The following OLFML1 variants were observed in gnomAD, a reference collection of about 807,000 sequenced individuals.
OLFML1 encodes olfactomedin-like protein 1.
A neutral mutation model predicts 37.3 loss-of-function variants in OLFML1; 33 were observed. The observed-to-expected ratio is 0.88, with a 90% CI of 0.67 to 1.18. The LOEUF (loss-of-function observed/expected upper bound fraction) is 1.18, where lower values mean the gene tolerates loss of function less well. Among genes scored for constraint, OLFML1 ranks in the 50% most tolerant of loss-of-function variants. OLFML1 has a pLI of 0.00. For missense variants in OLFML1, 545 were observed against 483.7 expected, an observed-to-expected ratio of 1.13 and a Z score of -1.19; for synonymous variants, 186 against 181.3, an observed-to-expected ratio of 1.03 and a Z score of -0.21.
At chr11:7,494,307 C>T (rs548310971) in intron 2 of OLFML1, among the ~76,000 whole-genome samples, 1 of 152,266 alleles carries the variant, frequency 6.6e-6, no homozygotes, top group East Asian at 1.9e-4. Context: ...TTCACACTTG[C>T]AAGCTGTAGG....
At position 7,497,497 on chromosome 11, in the gene OLFML1, A is replaced by C. The variant is rs1032573709; in HGVS notation, c.418+9082A>C. 2.6e-5 allele frequency among the ~76,000 whole-genome samples: 4 copies of C among 152,250 alleles called. No individual in the cohort carries two copies. The South Asian group carries it at 6.2e-4, about 24-fold the overall frequency. ...AGGAGGCACTGGAAGGAAGTTGTCTATGTTGCCTGTGTTGGACTCCAGCTG... is the reference window on the plus strand; with the variant it reads ...AGGAGGCACTGGAAGGAAGTTGTCTCTGTTGCCTGTGTTGGACTCCAGCTG... On this transcript the variant is annotated intron_variant, in intron 2 of 2. Coordinates refer to ENST00000329293, the MANE Select transcript of OLFML1 (RefSeq NM_198474.4).
chr11:7,503,955 C>A (rs1848752483), intron 2 of OLFML1, among the ~76,000 whole-genome samples: 1 of 152,104 alleles, frequency 6.6e-6, no homozygotes, highest in Non-Finnish European at 1.5e-5. Context: ...ACAGATAAGA[C>A]AAAGCTTATA....
At chr11:7,486,123 A>T in intron 1 of OLFML1, 119 bp downstream of exon 1, 1 of 974,096 alleles carries the variant, frequency 1.0e-6, no homozygotes, top group Non-Finnish European at 1.5e-6. Flanking sequence ...ACACATTGCC[A>T]AAGTTACACT....
chr11:7,486,688 GC>G (rs1331145932), intron 1 of OLFML1, among the ~76,000 whole-genome samples: 2 of 152,116 alleles, frequency 1.3e-5, no homozygotes, highest in Non-Finnish European at 2.9e-5. Context: ...CCTAGCCTTT[GC>G]CACACCCTGG....
intron 2 of OLFML1, chr11:7,504,757 C>A (rs776418462): frequency 6.6e-6 from 1 of 152,206 alleles, no homozygotes; most frequent in Admixed American, 6.5e-5. Flanking sequence ...TGCTAACATG[C>A]TTGCTTACCT....
intron 2 of OLFML1, among the ~76,000 whole-genome samples, chr11:7,508,162 C>T (rs900022970): frequency 2.0e-5 from 3 of 152,192 alleles, no homozygotes; most frequent in African/African-American, 7.2e-5. Flanking sequence ...TCATCCGCAT[C>T]ATCCTCTTCA....
At chr11:7,488,522 G>C in intron 2 of OLFML1, 107 bp downstream of exon 2, 1 of 881,702 alleles carries the variant, frequency 1.1e-6, no homozygotes, top group Non-Finnish European at 1.7e-6. Context: ...AGTAAGAATT[G>C]GAGGTGTGCT....
rs1414353888 is a variant in OLFML1 at position 7,510,180 on chromosome 11, C to G, written c.1201C>G (p.Leu401Val). 3 of 1,604,488 alleles carry G rather than the reference C, an allele frequency of 1.9e-6. No individual in the cohort carries two copies. In the African/African-American group the frequency reaches 4.0e-5, roughly 21 times the overall value. ...YKLQTKRKLP[L>V]K ...ACTCCAGACAAAGAGAAAGCTGCCT[C>G]TGAAGTAATGCATTACAGCTGTGAG... The change falls in exon 3 of 3, where the codon CTG (leucine) becomes GTG (valine). Residue 401 changes from leucine to valine, a missense_variant. Leu to Val is a conservative substitution (Grantham distance 32). Transcript: ENST00000329293.
chr11:7,495,962 T>G (rs1848658240), intron 2 of OLFML1, among the ~76,000 whole-genome samples: 1 of 152,196 alleles, frequency 6.6e-6, no homozygotes. Context: ...CTGCCCTGTA[T>G]CAGTTATCTG....
chr11:7,497,634 T>A (rs1453603388), intron 2 of OLFML1, among the ~76,000 whole-genome samples: 1 of 152,178 alleles, frequency 6.6e-6, no homozygotes, highest in Non-Finnish European at 1.5e-5. Flanking sequence ...GCAACATACA[T>A]CTATGCACGT....
At position 7,509,900 on chromosome 11, in the gene OLFML1, A is replaced by C. The variant is rs1161663077; in HGVS notation, c.921A>C (p.Ser307=). Residue 307 remains serine, a synonymous_variant, in exon 3 of 3, where the codon TCA becomes TCC. Transcript: ENST00000329293. Reference sequence around the variant, plus strand: ...CGGGCACACTGGGAGTGGAGCATTCATGGGATACCCCATGCAGAAGCCAGG... The same window carrying C: ...CGGGCACACTGGGAGTGGAGCATTCCTGGGATACCCCATGCAGAAGCCAGG... ...IEPGTLGVEH[S]WDTPCRSQDA... The C allele has an allele frequency of 2.5e-6, 4 of 1,614,136 alleles. No individual in the cohort carries two copies. In the South Asian group the frequency reaches 3.3e-5, roughly 13 times the overall value.
rs1253687359 is a variant in OLFML1 at position 7,490,177 on chromosome 11, GAAGA to G, written c.418+1767_418+1770del. Among the ~76,000 whole-genome samples, 3 of 151,546 alleles carry G rather than the reference GAAGA, an allele frequency of 2.0e-5. No homozygotes were observed. The East Asian group carries it at 5.8e-4, about 30-fold the overall frequency. On this transcript the variant is annotated intron_variant, in intron 2 of 2. Transcript: ENST00000329293. Reference sequence around the variant, plus strand: ...CAAAAAACATCTTATCCCTGAGTCAGAAGAAAGAGAGGAGGGTGCCCTGCCTATA... The same window carrying G: ...CAAAAAACATCTTATCCCTGAGTCAGAAGAGAGGAGGGTGCCCTGCCTATA...
chr11:7,505,077 G>A (rs969006031), intron 2 of OLFML1, among the ~76,000 whole-genome samples: 5 of 149,928 alleles, frequency 3.3e-5, no homozygotes, highest in Non-Finnish European at 3.0e-5. Context: ...ACAGGTACAC[G>A]CCCCCACACC....
chr11:7,486,550 T>C (rs532296524), intron 1 of OLFML1, among the ~76,000 whole-genome samples: 5 of 152,288 alleles, frequency 3.3e-5, no homozygotes, highest in African/African-American at 1.2e-4. Flanking sequence ...GATTTAGACT[T>C]AGAAGTGAGC....
At chr11:7,491,451 A>G (rs1263775900) in intron 2 of OLFML1, among the ~76,000 whole-genome samples, 3 of 136,044 alleles carry the variant, frequency 2.2e-5, no homozygotes, top group African/African-American at 6.0e-5. Context: ...ACAATGGCAG[A>G]GGCCCCTGCA....
chr11:7,493,809 A>T (rs1430201629), intron 2 of OLFML1, among the ~76,000 whole-genome samples: 1 of 152,246 alleles, frequency 6.6e-6, no homozygotes. Flanking sequence ...TCTTGCTATA[A>T]CTTATTTATT....
intron 2 of OLFML1, among the ~76,000 whole-genome samples, chr11:7,497,729 T>C (rs889141162): frequency 1.1e-4 from 17 of 152,208 alleles, no homozygotes; most frequent in African/African-American, 4.1e-4. Context: ...CAGGGTGCCA[T>C]GGAATACTCT....
chr11:7,509,676 T>C lies in OLFML1; in HGVS notation c.697T>C (p.Ser233Pro). ...TCTATTTTTTCATAACCAAGCAACT[T>C]CTAATGAGATAATCAAATATAACCT... ...GFLFFHNQAT[S>P]NEIIKYNLQK... Residue 233 changes from serine (S) to proline (P), a missense_variant, in exon 3 of 3, where the codon TCT becomes CCT. Ser to Pro is a moderately conservative substitution (Grantham distance 74). Coordinates refer to ENST00000329293, the MANE Select transcript of OLFML1 (RefSeq NM_198474.4). 1 of 1,614,204 alleles carries C rather than the reference T, an allele frequency of 6.2e-7. No homozygotes were observed. Among genetic ancestry groups the C allele is most frequent in the South Asian group, 1.1e-5 (1 of 91,092 alleles).
At chr11:7,504,127 G>A (rs1301957562) in intron 2 of OLFML1, among the ~76,000 whole-genome samples, 4 of 152,016 alleles carry the variant, frequency 2.6e-5, no homozygotes, top group African/African-American at 4.8e-5. Flanking sequence ...ATAGGGTGAC[G>A]GGAAAAGGTC....
Sources: gnomAD v4.1 joint callset for allele counts (sites outside exome capture counted in the v4.1 genomes callset) on GRCh38, gnomAD v4.1.1 for gene constraint, MANE v1.5 for transcripts, NCBI Gene and HGNC (gene_info 2026-07-23, HGNC 2026-07-21) for gene names.